Variants in USP53 observed in about 807,000 individuals in gnomAD.
USP53 encodes ubiquitin carboxyl-terminal hydrolase 53.
A neutral mutation model predicts 94.9 loss-of-function variants in USP53; 71 were observed. That is an observed-to-expected ratio of 0.75 (90% confidence interval 0.62 to 0.91). The LOEUF (loss-of-function observed/expected upper bound fraction) is 0.91. Ranked by LOEUF, USP53 falls within the 40% of genes least tolerant of loss-of-function variation. USP53 has a pLI of 0.00. For synonymous variants in USP53, 375 were observed against 422.7 expected (o/e 0.89, Z 1.39); for missense variants, 1,173 against 1,281.0 (o/e 0.92, Z 1.29).
At chr4:119,287,162 A>G (rs1320581377) in intron 17 of USP53, among the ~76,000 whole-genome samples, 1 of 151,948 alleles carries the variant, frequency 6.6e-6, no homozygotes, top group African/African-American at 2.4e-5. Flanking sequence ...CCTTCATTTG[A>G]ATGTCTTTTG....
At chr4:119,228,264 C>T (rs10013032) in intron 3 of USP53, among the ~76,000 whole-genome samples, 104,611 of 151,950 alleles carry the variant, frequency 0.69, 36,399 homozygotes, top group African/African-American at 0.78. Flanking sequence ...CTTGTAGGAG[C>T]GAGGTTCCTG....
intron 7 of USP53, 37 bp downstream of exon 7, chr4:119,248,919 G>A: frequency 6.2e-7 from 1 of 1,610,120 alleles, no homozygotes; most frequent in Non-Finnish European, 8.5e-7. Flanking sequence ...AGTCAGGATA[G>A]TAGTTTTCAT....
intron 3 of USP53, among the ~76,000 whole-genome samples, chr4:119,226,262 T>C (rs1745238530): frequency 1.3e-5 from 2 of 152,212 alleles, no homozygotes; most frequent in Non-Finnish European, 2.9e-5. Context: ...GAAGCAAGAT[T>C]AGTATTTCTG....
intron 7 of USP53, among the ~76,000 whole-genome samples, chr4:119,254,672 C>G (rs1238087322): frequency 6.6e-6 from 1 of 152,114 alleles, no homozygotes; most frequent in Non-Finnish European, 1.5e-5. Flanking sequence ...AGAACATGCT[C>G]CTTTAGCTCG....
intron 17 of USP53, among the ~76,000 whole-genome samples, chr4:119,290,053 G>T (rs1488501025): frequency 1.3e-5 from 2 of 152,140 alleles, no homozygotes; most frequent in Non-Finnish European, 2.9e-5. Flanking sequence ...AAATCCAAAT[G>T]TAGATAATGT....
chr4:119,229,342 G>A (rs1745744322), intron 3 of USP53, among the ~76,000 whole-genome samples: 1 of 152,018 alleles, frequency 6.6e-6, no homozygotes, highest in Non-Finnish European at 1.5e-5. Flanking sequence ...CTATTCTTAT[G>A]GTTTCTTATG....
chr4:119,249,099 T>C (rs1196859675), intron 7 of USP53, among the ~76,000 whole-genome samples: 1 of 152,212 alleles, frequency 6.6e-6, no homozygotes, highest in Non-Finnish European at 1.5e-5. Flanking sequence ...TGCTCTAATT[T>C]TTACTCTTAG....
intron 12 of USP53, among the ~76,000 whole-genome samples, chr4:119,262,644 G>C (rs1750649726): frequency 6.6e-6 from 1 of 152,178 alleles, no homozygotes; most frequent in African/African-American, 2.4e-5. Context: ...GTAGACTGAA[G>C]AGGAGGAAAA....
At chr4:119,286,751 T>C (rs1207020929) in intron 17 of USP53, among the ~76,000 whole-genome samples, 1 of 152,040 alleles carries the variant, frequency 6.6e-6, no homozygotes, top group Non-Finnish European at 1.5e-5. Flanking sequence ...GGTAGCAAAT[T>C]ACATTTCAAC....
intron 7 of USP53, among the ~76,000 whole-genome samples, chr4:119,250,691 G>A (rs1169677649): frequency 6.6e-6 from 1 of 152,178 alleles, no homozygotes; most frequent in Non-Finnish European, 1.5e-5. Flanking sequence ...TGGGGCAGAG[G>A]AGAGAGAAGT....
At chr4:119,224,433 C>T (rs578161417) in intron 3 of USP53, among the ~76,000 whole-genome samples, 2 of 152,340 alleles carry the variant, frequency 1.3e-5, no homozygotes, top group East Asian at 1.9e-4. Context: ...AATATCACAA[C>T]TATCACATTT....
intron 7 of USP53, among the ~76,000 whole-genome samples, chr4:119,251,135 A>G (rs970619561): frequency 7.1e-5 from 10 of 139,958 alleles, no homozygotes; most frequent in Middle Eastern, 4.1e-3. Flanking sequence ...ACTCCCACTT[A>G]TGAGTGAGAA....
rs1196570638 is a variant in USP53 at position 119,261,814 on chromosome 4, C to A, written c.922C>A (p.His308Asn). ...TSQHYCAFAF[H>N]TKSSKWVFFD... is the part of the protein sequence containing the mutation. The stretch of plus-strand genomic sequence containing the variant: ...CCAACATTATTGTGCCTTTGCATTT[C>A]ACACCAAAAGTTCCAAATGGGTATT... The change falls in exon 12 of 19, where the codon CAC (histidine) becomes AAC (asparagine). Residue 308 changes from histidine (H) to asparagine (N), a missense_variant. Physicochemically the swap from His to Asn is moderately conservative, Grantham distance 68. Transcript: ENST00000692078. 4.0e-6 allele frequency: 6 copies of A among 1,518,684 alleles called. No homozygotes were observed. The Admixed American group carries it at 5.3e-5, about 13-fold the overall frequency. 94.1% of individuals were successfully genotyped at this position (1,518,684 alleles called of 1,614,324 possible).
rs893224005 is a variant in USP53 at position 119,269,917 on chromosome 4, T to C, written c.1435+80T>C. ...TTAAAACTGAATTTTATAACTTTAATTTCTGTATATGTTAAATAATATATA... is the reference window on the plus strand; with the variant it reads ...TTAAAACTGAATTTTATAACTTTAACTTCTGTATATGTTAAATAATATATA... On this transcript the variant is annotated intron_variant, in intron 15 of 18. Coordinates refer to ENST00000692078, the MANE Select transcript of USP53 (RefSeq NM_001371395.1). 5 of 844,638 alleles carry C rather than the reference T, an allele frequency of 5.9e-6. No homozygotes were observed. In the African/African-American group the frequency reaches 9.1e-5, roughly 15 times the overall value. The allele number at this position is 844,638 out of a possible 1,614,324, so 52.3% of individuals were successfully genotyped here.
chr4:119,269,962 TAA>T (rs1751643883), intron 15 of USP53, 125 bp downstream of exon 15: 1 of 323,362 alleles, frequency 3.1e-6, no homozygotes, highest in Non-Finnish European at 4.8e-6. Flanking sequence ...CATAAATATA[TAA>T]GTTAAATATA....
chr4:119,263,823 G>C (rs368246177), intron 12 of USP53, among the ~76,000 whole-genome samples: 2 of 152,074 alleles, frequency 1.3e-5, no homozygotes, highest in South Asian at 4.1e-4. Context: ...TATAATCCCA[G>C]CACTTTGGGA....
In USP53 at chr4:119,273,659, T is replaced by C; in HGVS notation, c.2202T>C (p.Asn734=). The change falls in exon 17 of 19, where the codon AAT becomes AAC. Residue 734 remains asparagine (N), a synonymous_variant. Coordinates refer to ENST00000692078, the MANE Select transcript of USP53 (RefSeq NM_001371395.1). ...FSDQITTSNL[N]KERGDCTSLQ... The stretch of plus-strand genomic sequence containing the variant: ...ACCAGATTACGACAAGCAACCTAAA[T>C]AAAGAACGTGGGGACTGTACCTCCC... The C allele has an allele frequency of 6.2e-7, 1 of 1,613,022 alleles. No individual in the cohort carries two copies. The highest frequency in any genetic ancestry group is 1.1e-5 in the South Asian group (1 of 90,990).
intron 4 of USP53, among the ~76,000 whole-genome samples, chr4:119,237,126 A>G (rs912353691): frequency 3.9e-5 from 6 of 152,240 alleles, no homozygotes; most frequent in Admixed American, 3.9e-4. Flanking sequence ...GTCAATAAAC[A>G]GTAATATTTT....
intron 14 of USP53, 81 bp from the exon 15 acceptor site, chr4:119,269,609 AT>A (rs1378822427): frequency 1.0e-6 from 1 of 984,064 alleles, no homozygotes; most frequent in East Asian, 3.2e-5. Context: ...ATATCTTAAC[AT>A]TTTTATATAG....
Sources: allele counts gnomAD v4.1 joint callset (sites outside exome capture counted in the v4.1 genomes callset), GRCh38; gene constraint gnomAD v4.1.1; transcripts MANE v1.5; gene names NCBI Gene and HGNC (gene_info 2026-07-23, HGNC 2026-07-21).